Variants in NAV2 observed in about 807,000 individuals in gnomAD.
The protein encoded by NAV2 is neuron navigator 2.
A neutral mutation model predicts 223.2 loss-of-function variants in NAV2; 54 were observed. That is an observed-to-expected ratio of 0.24 (90% CI 0.19 to 0.30). The LOEUF is 0.30. Ranked by LOEUF, NAV2 falls within the 10% of genes least tolerant of loss-of-function variation. NAV2 has a pLI of 1.00. For missense variants in NAV2, 2,806 were observed against 3,147.5 expected (o/e 0.89, Z 2.60); for synonymous variants, 1,279 against 1,239.3 (o/e 1.03, Z -0.67).
At chr11:19,728,628 C>A (rs971864223) in intron 1 of NAV2, among the ~76,000 whole-genome samples, 7 of 152,222 alleles carry the variant, frequency 4.6e-5, no homozygotes, top group African/African-American at 1.7e-4. Context: ...GGCACCATAG[C>A]AATGACCTCA....
intron 1 of NAV2, among the ~76,000 whole-genome samples, chr11:19,434,052 A>G (rs1851126011): frequency 6.6e-6 from 1 of 152,122 alleles, no homozygotes. Context: ...CACACACTCC[A>G]TTGGTGCAAA....
intron 6 of NAV2, among the ~76,000 whole-genome samples, chr11:19,901,124 C>T (rs1422385439): frequency 6.6e-6 from 1 of 152,194 alleles, no homozygotes; most frequent in East Asian, 1.9e-4. Context: ...CCAGGCATTA[C>T]AAACTGAGTC....
At chr11:20,102,267 A>G (rs1026025340) in intron 32 of NAV2, among the ~76,000 whole-genome samples, 1 of 152,120 alleles carries the variant, frequency 6.6e-6, no homozygotes, top group African/African-American at 2.4e-5. Flanking sequence ...TACTGCTAAC[A>G]AGACATATTT....
At chr11:19,547,818 A>G (rs1243842258) in intron 1 of NAV2, among the ~76,000 whole-genome samples, 1 of 152,190 alleles carries the variant, frequency 6.6e-6, no homozygotes, top group Non-Finnish European at 1.5e-5. Context: ...ACTCACTTTT[A>G]CTATAAGAAA....
intron 19 of NAV2, among the ~76,000 whole-genome samples, chr11:20,060,099 C>G (rs1008121281): frequency 3.2e-4 from 48 of 152,252 alleles, no homozygotes; most frequent in African/African-American, 1.2e-3. Context: ...GTGCTCTTCT[C>G]TGCCTGTGGC....
chr11:19,741,102 C>T (rs2052757975), intron 1 of NAV2, among the ~76,000 whole-genome samples: 1 of 152,302 alleles, frequency 6.6e-6, no homozygotes, highest in South Asian at 2.1e-4. Context: ...AAGGCTGTCT[C>T]CTAAATGGCC....
intron 3 of NAV2, among the ~76,000 whole-genome samples, chr11:19,848,057 C>G (rs1057510651): frequency 6.6e-6 from 1 of 152,178 alleles, no homozygotes; most frequent in Non-Finnish European, 1.5e-5. Flanking sequence ...CATGTATGCC[C>G]TGGGGCTCCA....
At chr11:19,417,956 C>A (rs1419248935) in intron 1 of NAV2, among the ~76,000 whole-genome samples, 1 of 152,042 alleles carries the variant, frequency 6.6e-6, no homozygotes, top group Non-Finnish European at 1.5e-5. Context: ...ATATCACACA[C>A]TGGGGCCTGT....
intron 10 of NAV2, among the ~76,000 whole-genome samples, chr11:19,949,971 G>A (rs2047250834): frequency 6.6e-6 from 1 of 152,148 alleles, no homozygotes; most frequent in Non-Finnish European, 1.5e-5. Flanking sequence ...AACCTTTCAG[G>A]TGGAGCCTGC....
chr11:19,844,181 C>A (rs901254657), intron 3 of NAV2, among the ~76,000 whole-genome samples: 3 of 152,150 alleles, frequency 2.0e-5, no homozygotes, highest in Admixed American at 2.0e-4. Flanking sequence ...CTGCAGCTGT[C>A]TAGGGTATTA....
chr11:19,667,987 C>T (rs2048463798), intron 1 of NAV2, among the ~76,000 whole-genome samples: 1 of 152,146 alleles, frequency 6.6e-6, no homozygotes, highest in South Asian at 2.1e-4. Flanking sequence ...TCCCTTGCAG[C>T]CTGTCTTAGC....
intron 1 of NAV2, among the ~76,000 whole-genome samples, chr11:19,360,214 G>T (rs1487103421): frequency 6.6e-6 from 1 of 152,164 alleles, no homozygotes; most frequent in African/African-American, 2.4e-5. Context: ...TCAATTATTA[G>T]CACAATCTTC....
At chr11:20,078,796 T>C (rs4757030) in intron 24 of NAV2, among the ~76,000 whole-genome samples, 134,271 of 152,206 alleles carry the variant, frequency 0.88, 59,338 homozygotes, top group East Asian at 0.96. Flanking sequence ...TGTCCTTGTG[T>C]ATCTTGGGGT....
intron 3 of NAV2, among the ~76,000 whole-genome samples, chr11:19,844,751 T>A (rs1360102581): frequency 6.6e-6 from 1 of 152,188 alleles, no homozygotes; most frequent in Non-Finnish European, 1.5e-5. Context: ...GTGTTGCAGT[T>A]TCTCTATAAC....
At chr11:19,973,466 C>T (rs1273351571) in intron 10 of NAV2, among the ~76,000 whole-genome samples, 1 of 152,054 alleles carries the variant, frequency 6.6e-6, no homozygotes, top group Non-Finnish European at 1.5e-5. Flanking sequence ...CAGAAGTGTT[C>T]GGGAGAATGC....
At chr11:19,986,389 G>C (rs956105023) in intron 11 of NAV2, among the ~76,000 whole-genome samples, 5 of 152,188 alleles carry the variant, frequency 3.3e-5, no homozygotes, top group Non-Finnish European at 5.9e-5. Flanking sequence ...GGAGGCCAAG[G>C]CGGGCAGATC....
chr11:19,749,282 G>A (rs1420332892), intron 1 of NAV2, among the ~76,000 whole-genome samples: 1 of 152,214 alleles, frequency 6.6e-6, no homozygotes, highest in African/African-American at 2.4e-5. Context: ...CAAGCAAGGT[G>A]TGAGGAGTAG....
rs141106075 is a variant in NAV2 at position 19,567,625 on chromosome 11, C to A, written c.75+216598C>A. Among the ~76,000 whole-genome samples, 31 of 152,252 alleles carry A rather than the reference C, an allele frequency of 2.0e-4. 1 individual carries two copies. In the East Asian group the frequency reaches 4.6e-3, roughly 23 times the overall value. ...TAAGACTCTTGGTGAGCCAGGCCCC[C>A]CTTTGTCCCCAGCCTTGGCCCTCAG... is the stretch of plus-strand genomic sequence containing the variant. On this transcript the variant is annotated intron_variant, in intron 1 of 37. Transcript: ENST00000360655.
chr11:19,768,398 A>G (rs2055411737), intron 1 of NAV2, among the ~76,000 whole-genome samples: 1 of 152,180 alleles, frequency 6.6e-6, no homozygotes, highest in Non-Finnish European at 1.5e-5. Context: ...TGATGAGTTC[A>G]GTCAACAAAA....
Sources: allele counts gnomAD v4.1 joint callset (sites outside exome capture counted in the v4.1 genomes callset), GRCh38; gene constraint gnomAD v4.1.1; transcripts MANE v1.5; gene names NCBI Gene and HGNC (gene_info 2026-07-23, HGNC 2026-07-21).